Variants in MSRA observed in about 807,000 individuals in gnomAD.
The protein encoded by MSRA is methionine sulfoxide reductase A.
A neutral mutation model predicts 31.3 loss-of-function variants in MSRA; 54 were observed. That is an observed-to-expected ratio of 1.73 (90% CI 1.39 to 2.17). MSRA has a LOEUF of 2.17. Ranked by LOEUF, MSRA falls within the 30% of genes most tolerant of loss-of-function variation. The probability of loss-of-function intolerance (pLI) is 0.00; values close to 1 mark genes in which losing one functional copy is unlikely to be tolerated. For synonymous variants in MSRA, 169 were observed against 116.5 expected (o/e 1.45, Z -2.90); for missense variants, 507 against 300.9 (o/e 1.69, Z -5.07).
chr8:10,293,970 G>A (rs1288492050), intron 3 of MSRA, among the ~76,000 whole-genome samples: 3 of 152,184 alleles, frequency 2.0e-5, no homozygotes, highest in South Asian at 4.1e-4. Flanking sequence ...TCGAAAGGCC[G>A]AGGTGGGAGG....
intron 4 of MSRA, among the ~76,000 whole-genome samples, chr8:10,316,731 T>C (rs769333465): frequency 1.3e-5 from 2 of 152,188 alleles, no homozygotes; most frequent in Non-Finnish European, 2.9e-5. Context: ...GTTATATTCA[T>C]AGGGCTTGTC....
chr8:10,078,728 C>G (rs1798126042), intron 1 of MSRA, among the ~76,000 whole-genome samples: 1 of 152,254 alleles, frequency 6.6e-6, no homozygotes, highest in Non-Finnish European at 1.5e-5. Flanking sequence ...TTCTGCCCTT[C>G]CCATGGCTTC....
intron 1 of MSRA, among the ~76,000 whole-genome samples, chr8:10,089,137 C>CA (rs1798732431): frequency 2.7e-5 from 2 of 74,830 alleles, no homozygotes; most frequent in Non-Finnish European, 6.9e-5. Context: ...CTGCTTTTGT[C>CA]CCACACACAC....
intron 3 of MSRA, among the ~76,000 whole-genome samples, chr8:10,245,920 C>G (rs1312858355): frequency 6.6e-6 from 1 of 152,222 alleles, no homozygotes; most frequent in Non-Finnish European, 1.5e-5. Context: ...TTTCAACAAT[C>G]TACCGCATGA....
chr8:10,351,106 A>AC (rs1804111215), intron 5 of MSRA, among the ~76,000 whole-genome samples: 1 of 152,072 alleles, frequency 6.6e-6, no homozygotes, highest in Non-Finnish European at 1.5e-5. Flanking sequence ...GCCAAGTGCA[A>AC]CCTGAGATGC....
At chr8:10,256,019 A>G (rs1334321621) in intron 3 of MSRA, among the ~76,000 whole-genome samples, 1 of 152,032 alleles carries the variant, frequency 6.6e-6, no homozygotes, top group Non-Finnish European at 1.5e-5. Flanking sequence ...GTTTGCGTTG[A>G]GTTCACTCTT....
chr8:10,370,670 T>C (rs1417539921), intron 5 of MSRA, among the ~76,000 whole-genome samples: 1 of 152,234 alleles, frequency 6.6e-6, no homozygotes. Context: ...CACTTTGCTC[T>C]CCTGTACTTG....
intron 5 of MSRA, among the ~76,000 whole-genome samples, chr8:10,412,828 G>GGAAT (rs1184759175): frequency 6.6e-6 from 1 of 152,192 alleles, no homozygotes; most frequent in Non-Finnish European, 1.5e-5. Context: ...CCAAGTCCTG[G>GGAAT]GAATGACACA....
At chr8:10,159,715 A>G (rs925977535) in intron 1 of MSRA, among the ~76,000 whole-genome samples, 78 of 152,186 alleles carry the variant, frequency 5.1e-4, no homozygotes, top group Non-Finnish European at 1.6e-4. Context: ...TTTGATTGGC[A>G]TTATCTCTTA....
intron 5 of MSRA, among the ~76,000 whole-genome samples, chr8:10,401,146 T>A (rs1807439314): frequency 6.6e-6 from 1 of 150,550 alleles, no homozygotes; most frequent in African/African-American, 2.4e-5. Flanking sequence ...TGTTAGCAAA[T>A]CATATATCTG....
At chr8:10,141,892 G>C (rs953271645) in intron 1 of MSRA, among the ~76,000 whole-genome samples, 1 of 152,226 alleles carries the variant, frequency 6.6e-6, no homozygotes. Flanking sequence ...CTCAGTCAAT[G>C]TTGATGACTG....
At chr8:10,339,597 A>G (rs1353510252) in intron 5 of MSRA, among the ~76,000 whole-genome samples, 2 of 126,240 alleles carry the variant, frequency 1.6e-5, no homozygotes, top group East Asian at 2.7e-4. Flanking sequence ...GCTGGAGTGC[A>G]GTGATGCGAT....
chr8:10,313,783 T>G (rs1801566742), intron 4 of MSRA, among the ~76,000 whole-genome samples: 1 of 152,290 alleles, frequency 6.6e-6, no homozygotes, highest in African/African-American at 2.4e-5. Context: ...AGATATCGAG[T>G]CATTATAAAG....
At chr8:10,359,940 C>G (rs538774743) in intron 5 of MSRA, among the ~76,000 whole-genome samples, 5 of 152,212 alleles carry the variant, frequency 3.3e-5, no homozygotes, top group Non-Finnish European at 5.9e-5. Flanking sequence ...TCTGAGATGT[C>G]CTGTTTCTGT....
chr8:10,266,903 C>G (rs879397875), intron 3 of MSRA, among the ~76,000 whole-genome samples: 1 of 152,182 alleles, frequency 6.6e-6, no homozygotes, highest in Admixed American at 6.5e-5. Context: ...ATATGTACAT[C>G]ACTCAATAAA....
chr8:10,219,093 G>A (rs1268597535), intron 2 of MSRA, among the ~76,000 whole-genome samples: 1 of 152,188 alleles, frequency 6.6e-6, no homozygotes, highest in Non-Finnish European at 1.5e-5. Flanking sequence ...AGGGTTGGAG[G>A]AGGTCTTGCT....
At chr8:10,410,601 T>A (rs1354635409) in intron 5 of MSRA, among the ~76,000 whole-genome samples, 1 of 152,110 alleles carries the variant, frequency 6.6e-6, no homozygotes, top group Non-Finnish European at 1.5e-5. Flanking sequence ...AGGCCAAGCC[T>A]CAAGGTCAGC....
intron 5 of MSRA, among the ~76,000 whole-genome samples, chr8:10,348,101 G>A (rs1347712497): frequency 2.0e-5 from 3 of 152,274 alleles, no homozygotes; most frequent in Non-Finnish European, 2.9e-5. Context: ...ATCCTTAGAT[G>A]GATTTGGGAT....
chr8:10,283,687 C>G (rs1046896083), intron 3 of MSRA, among the ~76,000 whole-genome samples: 1 of 150,858 alleles, frequency 6.6e-6, no homozygotes, highest in Non-Finnish European at 1.5e-5. Flanking sequence ...TGAGAACATA[C>G]AATGTTTTTT....
Sources: allele counts gnomAD v4.1 joint callset (sites outside exome capture counted in the v4.1 genomes callset), GRCh38; gene constraint gnomAD v4.1.1; transcripts MANE v1.5; gene names NCBI Gene and HGNC (gene_info 2026-07-23, HGNC 2026-07-21).